Variants in SFXN5 observed in about 807,000 individuals in gnomAD.
SFXN5 encodes the protein sideroflexin 5.
In SFXN5, 43 loss-of-function variants were observed where a neutral mutation model predicts 50.2. The ratio of observed to expected loss-of-function variants is 0.86; its 90% CI spans 0.67 to 1.11. The LOEUF (loss-of-function observed/expected upper bound fraction) is 1.11. Among genes scored for constraint, SFXN5 ranks in the 50% least tolerant of loss-of-function variants. The pLI is 0.00. For synonymous variants in SFXN5, 203 were observed against 185.8 expected, an observed-to-expected ratio of 1.09 and a Z score of -0.75; for missense variants, 463 against 454.1, an observed-to-expected ratio of 1.02 and a Z score of -0.18.
chr2:73,032,823 C>G (rs1057470212), intron 3 of SFXN5, among the ~76,000 whole-genome samples: 1 of 152,048 alleles, frequency 6.6e-6, no homozygotes, highest in Non-Finnish European at 1.5e-5. Flanking sequence ...ATAAAACAAA[C>G]AAAAAAAACT....
intron 10 of SFXN5, among the ~76,000 whole-genome samples, chr2:72,982,829 G>C (rs757377993): frequency 1.5e-4 from 23 of 152,338 alleles, no homozygotes; most frequent in Middle Eastern, 3.4e-3. Context: ...GGCCCGGCAA[G>C]AGGGAGGAGA....
chr2:73,009,856 G>A (rs1234607707), intron 6 of SFXN5, among the ~76,000 whole-genome samples: 1 of 139,234 alleles, frequency 7.2e-6, no homozygotes, highest in Non-Finnish European at 1.5e-5. Context: ...AGGGTAAGGA[G>A]AGAGTGGAAA....
chr2:73,050,227 G>A (rs753790661), intron 2 of SFXN5, among the ~76,000 whole-genome samples: 90 of 152,094 alleles, frequency 5.9e-4, no homozygotes, highest in Admixed American at 5.0e-3. Flanking sequence ...TGGCTCTATT[G>A]TTCTGGGGTT....
chr2:72,967,612 T>C (rs1401504267), intron 12 of SFXN5, among the ~76,000 whole-genome samples: 1 of 152,164 alleles, frequency 6.6e-6, no homozygotes, highest in Non-Finnish European at 1.5e-5. Flanking sequence ...GAACCCCAGA[T>C]GGAGTAACCC....
At chr2:73,069,251 G>A (rs1174102768) in intron 1 of SFXN5, among the ~76,000 whole-genome samples, 1 of 152,184 alleles carries the variant, frequency 6.6e-6, no homozygotes, top group Non-Finnish European at 1.5e-5. Flanking sequence ...CAGAGTGGAA[G>A]CAGGGAGACC....
At chr2:73,052,578 T>C (rs1415187920) in intron 2 of SFXN5, among the ~76,000 whole-genome samples, 1 of 126,864 alleles carries the variant, frequency 7.9e-6, no homozygotes, top group Non-Finnish European at 1.5e-5. Context: ...AGTTCTAGTA[T>C]TGAATTGTTA....
intron 10 of SFXN5, among the ~76,000 whole-genome samples, chr2:72,978,866 AC>A (rs1670955611): frequency 6.6e-6 from 1 of 151,924 alleles, no homozygotes; most frequent in Non-Finnish European, 1.5e-5. Context: ...AGGTTTGAAA[AC>A]TTTTGCCCAG....
rs1671599085 is a variant in SFXN5 at position 72,943,116 on chromosome 2, C to G, written c.*1906G>C. 6.6e-6 allele frequency: 1 copy of G among 152,316 alleles called. No homozygotes were observed. The highest frequency in any genetic ancestry group is 2.4e-5 in the African/African-American group (1 of 41,456). The allele number at this position is 152,316 out of a possible 1,614,324, so 9.4% of individuals were successfully genotyped here. A position where few individuals can be genotyped will look rare whatever the true frequency, so the allele number is the denominator to read the frequency against. ...CCGCTGTTTTGTCCTCCAGGCTTGT[C>G]TAACCCTTCTCCCCCTCCTCACGGG... On this transcript the variant is annotated 3_prime_UTR_variant, in exon 14 of 14. Coordinates refer to ENST00000272433, the MANE Select transcript of SFXN5 (RefSeq NM_144579.3).
intron 3 of SFXN5, among the ~76,000 whole-genome samples, chr2:73,026,126 C>CTTTT (rs759334127): frequency 3.3e-4 from 44 of 133,744 alleles, no homozygotes; most frequent in East Asian, 7.2e-4. Flanking sequence ...TGTGTGGCTG[C>CTTTT]TTTTTTTTTT....
At chr2:73,021,376 C>T (rs1181131374) in intron 5 of SFXN5, among the ~76,000 whole-genome samples, 2 of 152,072 alleles carry the variant, frequency 1.3e-5, no homozygotes, top group African/African-American at 2.4e-5. Flanking sequence ...CCCAGCTACT[C>T]GGGAGGCTGA....
chr2:73,000,545 G>A (rs1673777814), intron 7 of SFXN5, 58 bp from the exon 8 acceptor site: 1 of 1,517,266 alleles, frequency 6.6e-7, no homozygotes, highest in East Asian at 2.5e-5. Context: ...TGGAAGCCAG[G>A]CCTGGACCCC....
chr2:73,055,476 C>A (rs970513137), intron 2 of SFXN5, among the ~76,000 whole-genome samples: 72 of 152,178 alleles, frequency 4.7e-4, no homozygotes, highest in African/African-American at 1.7e-3. Flanking sequence ...AAAATGCTTA[C>A]AAATTGCCTT....
intron 10 of SFXN5, chr2:72,981,052 G>A (rs1197448814): frequency 6.6e-6 from 1 of 152,176 alleles, no homozygotes; most frequent in Admixed American, 6.5e-5. Flanking sequence ...CAGGTGCCTT[G>A]GTCGCGTGCG....
At chr2:73,015,738 T>C (rs973281494) in intron 6 of SFXN5, among the ~76,000 whole-genome samples, 23 of 152,194 alleles carry the variant, frequency 1.5e-4, no homozygotes, top group Admixed American at 1.2e-3. Context: ...GTGCAAATAT[T>C]TTAAACTGCA....
chr2:72,962,356 G>A (rs114424348), intron 12 of SFXN5, among the ~76,000 whole-genome samples: 2,601 of 152,366 alleles, frequency 0.017, 78 homozygotes, highest in Non-Finnish European at 0.017. Context: ...GTGGCGGGCA[G>A]TAAACCCCAT....
intron 4 of SFXN5, 87 bp downstream of exon 4, chr2:73,023,101 G>A: frequency 7.2e-7 from 1 of 1,383,646 alleles, no homozygotes; most frequent in Non-Finnish European, 1.0e-6. Flanking sequence ...GCCACCGGAG[G>A]GGGGCTTCCA....
At chr2:73,019,952 G>C (rs1574135953) in intron 6 of SFXN5, 1 of 314,524 alleles carries the variant, frequency 3.2e-6, no homozygotes, top group Middle Eastern at 9.5e-4. Flanking sequence ...ACTTCCCTAT[G>C]ACTAGCAGGT....
chr2:73,068,444 C>G (rs1390706866), intron 1 of SFXN5, among the ~76,000 whole-genome samples: 1 of 152,096 alleles, frequency 6.6e-6, no homozygotes, highest in African/African-American at 2.4e-5. Flanking sequence ...TTAGAGACAC[C>G]CCAACTCTGG....
At chr2:73,000,591 G>A (rs955144773) in intron 7 of SFXN5, 104 bp from the exon 8 acceptor site, 8 of 1,095,344 alleles carry the variant, frequency 7.3e-6, no homozygotes, top group African/African-American at 4.7e-5. Context: ...CACAGCATGC[G>A]GTCTCCAGCT....
Sources: gnomAD v4.1 joint callset for allele counts (sites outside exome capture counted in the v4.1 genomes callset) on GRCh38, gnomAD v4.1.1 for gene constraint, MANE v1.5 for transcripts, NCBI Gene and HGNC (gene_info 2026-07-23, HGNC 2026-07-21) for gene names.